The following REEP3 variants were observed in gnomAD, a reference collection of about 807,000 sequenced individuals.
REEP3 encodes the protein receptor accessory protein 3.
REEP3 carries 20 observed loss-of-function variants against 41.3 expected under a neutral mutation model. The ratio of observed to expected loss-of-function variants is 0.48; its 90% CI spans 0.34 to 0.70. The LOEUF (loss-of-function observed/expected upper bound fraction) is 0.70, where lower values mean the gene tolerates loss of function less well. REEP3 is among the 30% of genes least tolerant of loss of function. REEP3 has a pLI of 0.01. For missense variants in REEP3, 271 were observed against 308.8 expected (o/e 0.88, Z 0.92); for synonymous variants, 104 against 101.8 (o/e 1.02, Z -0.13).
chr10:63,596,985 G>A (rs1223545674), intron 3 of REEP3, among the ~76,000 whole-genome samples: 8 of 152,184 alleles, frequency 5.3e-5, no homozygotes, highest in Non-Finnish European at 4.4e-5. Context: ...ATGCCAGAAG[G>A]CAAAAGCTTA....
intron 2 of REEP3, among the ~76,000 whole-genome samples, chr10:63,566,648 A>G (rs879662513): frequency 2.6e-5 from 4 of 152,354 alleles, no homozygotes; most frequent in Non-Finnish European, 5.9e-5. Flanking sequence ...GATTTAGTCT[A>G]TAAATTCCAG....
chr10:63,546,497 T>C (rs753250790), intron 1 of REEP3, among the ~76,000 whole-genome samples: 1 of 152,146 alleles, frequency 6.6e-6, no homozygotes, highest in Non-Finnish European at 1.5e-5. Context: ...AAAATGTATA[T>C]GGAAATGCAG....
intron 3 of REEP3, among the ~76,000 whole-genome samples, chr10:63,597,124 C>T (rs1956122471): frequency 6.6e-6 from 1 of 152,134 alleles, no homozygotes. Context: ...ATGGTTAAAG[C>T]CACAGTCATT....
At chr10:63,584,430 T>TAAAAAA (rs71463528) in intron 2 of REEP3, among the ~76,000 whole-genome samples, 3 of 129,204 alleles carry the variant, frequency 2.3e-5, no homozygotes, top group Non-Finnish European at 4.7e-5. Context: ...CCCATCTTTT[T>TAAAAAA]AAAAAAAAAA....
At chr10:63,604,791 A>T (rs1956208473) in intron 5 of REEP3, among the ~76,000 whole-genome samples, 1 of 152,202 alleles carries the variant, frequency 6.6e-6, no homozygotes, top group African/African-American at 2.4e-5. Context: ...TTTAGTGCTG[A>T]TTCCACCACA....
intron 1 of REEP3, 120 bp downstream of exon 1, chr10:63,521,697 C>A: frequency 1.6e-6 from 1 of 629,008 alleles, no homozygotes; most frequent in Non-Finnish European, 2.3e-6. Flanking sequence ...AGCCCGGCCT[C>A]GGGCCTGCCG....
intron 2 of REEP3, among the ~76,000 whole-genome samples, chr10:63,587,294 C>G (rs547000997): frequency 3.0e-4 from 45 of 152,318 alleles, no homozygotes; most frequent in Admixed American, 9.1e-4. Context: ...CTGAGGATAT[C>G]TCAACCACAG....
intron 1 of REEP3, among the ~76,000 whole-genome samples, chr10:63,547,137 A>T (rs1038428960): frequency 4.0e-5 from 6 of 151,630 alleles, no homozygotes; most frequent in Non-Finnish European, 7.4e-5. Context: ...GGCCAGGCTG[A>T]TCTCAAACTC....
chr10:63,614,957 TAAC>T (rs2133433145), intron 6 of REEP3, among the ~76,000 whole-genome samples: 1 of 152,188 alleles, frequency 6.6e-6, no homozygotes, highest in African/African-American at 2.4e-5. Context: ...TTGTTTATAA[TAAC>T]AAATATTGGA....
At chr10:63,568,269 GT>G (rs1228299728) in intron 2 of REEP3, among the ~76,000 whole-genome samples, 232 of 138,270 alleles carry the variant, frequency 1.7e-3, no homozygotes, top group Admixed American at 3.9e-3. Context: ...ATCCTTGTTT[GT>G]TTTTTTTTTT....
At chr10:63,614,333 G>C (rs541748934) in intron 6 of REEP3, among the ~76,000 whole-genome samples, 1 of 152,272 alleles carries the variant, frequency 6.6e-6, no homozygotes, top group East Asian at 1.9e-4. Context: ...AAACAATCAT[G>C]GTCATTTATT....
chr10:63,525,022 A>G (rs1955347883), intron 1 of REEP3, among the ~76,000 whole-genome samples: 1 of 152,308 alleles, frequency 6.6e-6, no homozygotes, highest in East Asian at 1.9e-4. Flanking sequence ...AAAAAAAAAA[A>G]AAAGACTGTT....
At chr10:63,558,141 G>A (rs1052168577) in intron 1 of REEP3, among the ~76,000 whole-genome samples, 1 of 152,184 alleles carries the variant, frequency 6.6e-6, no homozygotes, top group East Asian at 1.9e-4. Flanking sequence ...CCCCAAAGGA[G>A]ACAGGTGTAA....
chr10:63,616,589 G>C (rs1956314064), intron 6 of REEP3, among the ~76,000 whole-genome samples: 1 of 152,152 alleles, frequency 6.6e-6, no homozygotes, highest in African/African-American at 2.4e-5. Context: ...TGTATAATCA[G>C]CTTTTGAATG....
Position 63,565,045 on chromosome 10 carries a change from G to T in REEP3, c.33-1293G>T, listed in dbSNP as rs183591027. Among the ~76,000 whole-genome samples the T allele has an allele frequency of 1.4e-4, 22 of 152,304 alleles. No individual in the cohort carries two copies. In the East Asian group the frequency reaches 3.1e-3, roughly 21 times the overall value. ...GGCCAAGGCAGGTGGATCACTTGAG[G>T]TAAGGAGTTTGAGACCAGCCTGGCC... is the stretch of plus-strand genomic sequence containing the variant. On this transcript the variant is annotated intron_variant, in intron 1 of 7. Coordinates refer to ENST00000373758, the MANE Select transcript of REEP3 (RefSeq NM_001001330.3).
At chr10:63,605,899 C>T (rs1159987780) in intron 5 of REEP3, among the ~76,000 whole-genome samples, 1 of 152,164 alleles carries the variant, frequency 6.6e-6, no homozygotes, top group Non-Finnish European at 1.5e-5. Context: ...CCTGCCCAGT[C>T]AGCCCCTGCA....
intron 6 of REEP3, among the ~76,000 whole-genome samples, chr10:63,615,609 G>C (rs930035864): frequency 6.6e-6 from 1 of 151,068 alleles, no homozygotes. Flanking sequence ...GCAGTGGCGC[G>C]ATCTCAGCTC....
chr10:63,531,750 G>A (rs1955422820), intron 1 of REEP3, among the ~76,000 whole-genome samples: 1 of 152,040 alleles, frequency 6.6e-6, no homozygotes, highest in Non-Finnish European at 1.5e-5. Flanking sequence ...ATCTCCACCT[G>A]AAAATGGCTG....
intron 6 of REEP3, among the ~76,000 whole-genome samples, chr10:63,614,533 T>TA (rs1481419743): frequency 6.6e-6 from 1 of 152,228 alleles, no homozygotes; most frequent in African/African-American, 2.4e-5. Flanking sequence ...CATCTCCCTC[T>TA]ATGTTCTCTC....
Sources: gnomAD v4.1 joint callset for allele counts (sites outside exome capture counted in the v4.1 genomes callset) on GRCh38, gnomAD v4.1.1 for gene constraint, MANE v1.5 for transcripts, NCBI Gene and HGNC (gene_info 2026-07-23, HGNC 2026-07-21) for gene names.